Variants in NEMF observed in about 807,000 individuals in gnomAD.
NEMF encodes the protein ribosome quality control complex subunit NEMF.
A neutral mutation model predicts 162.2 loss-of-function variants in NEMF; 89 were observed. The ratio of observed to expected loss-of-function variants is 0.55; its 90% confidence interval spans 0.46 to 0.65. NEMF has a LOEUF of 0.65. Ranked by LOEUF, NEMF falls within the 30% of genes least tolerant of loss-of-function variation. The pLI is 0.00. For missense variants in NEMF, 1,133 were observed against 1,261.9 expected, an observed-to-expected ratio of 0.90 and a Z score of 1.55; for synonymous variants, 421 against 404.5, an observed-to-expected ratio of 1.04 and a Z score of -0.49.
chr14:49,835,028 A>G (rs986981577), intron 6 of NEMF, among the ~76,000 whole-genome samples: 1 of 152,138 alleles, frequency 6.6e-6, no homozygotes, highest in African/African-American at 2.4e-5. Flanking sequence ...GAGAAACCCC[A>G]TCTCTACTAA....
At chr14:49,852,195 G>T (rs1264289934) in intron 1 of NEMF, among the ~76,000 whole-genome samples, 1 of 151,930 alleles carries the variant, frequency 6.6e-6, no homozygotes, top group Non-Finnish European at 1.5e-5. Flanking sequence ...ATAAAAGAGG[G>T]CCCCGAAAAT....
At chr14:49,802,356 T>C in intron 22 of NEMF, 97 bp downstream of exon 22, 1 of 1,369,690 alleles carries the variant, frequency 7.3e-7, no homozygotes, top group Middle Eastern at 1.9e-4. Context: ...TTTTGAAATT[T>C]AGATTATCCC....
intron 26 of NEMF, among the ~76,000 whole-genome samples, chr14:49,791,281 G>A (rs949785694): frequency 3.9e-5 from 6 of 151,908 alleles, no homozygotes; most frequent in Non-Finnish European, 7.4e-5. Context: ...GTTGCAGTGA[G>A]CTGAGATCAC....
At chr14:49,832,621 C>T (rs529181528) in intron 8 of NEMF, among the ~76,000 whole-genome samples, 3 of 152,314 alleles carry the variant, frequency 2.0e-5, no homozygotes, top group African/African-American at 7.2e-5. Flanking sequence ...GTGTGAGCCA[C>T]TGCACCTAAA....
chr14:49,832,629 A>G (rs1279253737), intron 8 of NEMF, among the ~76,000 whole-genome samples: 4 of 152,120 alleles, frequency 2.6e-5, no homozygotes, highest in African/African-American at 9.7e-5. Context: ...CACTGCACCT[A>G]AAAATTTAGT....
chr14:49,845,939 A>C (rs1893478423), intron 4 of NEMF: 1 of 561,094 alleles, frequency 1.8e-6, no homozygotes, highest in South Asian at 2.6e-5. Context: ...TAAATGGCTA[A>C]AGTCTGCCTA....
intron 18 of NEMF, 22 bp from the exon 19 acceptor site, chr14:49,806,155 T>C: frequency 6.4e-7 from 1 of 1,564,158 alleles, no homozygotes; most frequent in Non-Finnish European, 8.7e-7. Flanking sequence ...ATGCATAATG[T>C]TTCAATACCA....
At position 49,784,573 on chromosome 14, in the gene NEMF, T is replaced by TG. The variant is rs1408292056; in HGVS notation, c.*62_*63insC. The TG allele has an allele frequency of 8.8e-7, 1 of 1,134,040 alleles. No homozygotes were observed. Among genetic ancestry groups the TG allele is most frequent in the Non-Finnish European group, 1.3e-6 (1 of 759,964 alleles). The allele number at this position is 1,134,040 out of a possible 1,614,324, so 70.2% of individuals were successfully genotyped here. ...GAAATCCTGATACATGGTGCTTTCATCTTTGAACTTCCAAAAGGCTATAAA... is the reference window on the plus strand; with the variant it reads ...GAAATCCTGATACATGGTGCTTTCATGCTTTGAACTTCCAAAAGGCTATAAA... On this transcript the variant is annotated 3_prime_UTR_variant, in exon 33 of 33. Coordinates refer to ENST00000298310, the MANE Select transcript of NEMF (RefSeq NM_004713.6).
intron 4 of NEMF, among the ~76,000 whole-genome samples, chr14:49,844,278 T>C (rs184045468): frequency 6.6e-6 from 1 of 152,220 alleles, no homozygotes; most frequent in East Asian, 1.9e-4. Flanking sequence ...GCATGCAACC[T>C]AGATCCCTTG....
chr14:49,843,150 A>T (rs1037202993), intron 4 of NEMF, among the ~76,000 whole-genome samples: 20 of 152,060 alleles, frequency 1.3e-4, no homozygotes, highest in Admixed American at 2.6e-4. Flanking sequence ...GTTGCTAAGG[A>T]TGTGGAGCTA....
At chr14:49,786,602 TC>T in intron 29 of NEMF, 115 bp downstream of exon 29, 3 of 970,032 alleles carry the variant, frequency 3.1e-6, no homozygotes, top group Admixed American at 2.2e-5. Context: ...AAGTTTGACT[TC>T]GTAGCCTGCA....
At chr14:49,851,756 A>G in intron 2 of NEMF, 51 bp downstream of exon 2, 1 of 1,448,560 alleles carries the variant, frequency 6.9e-7, no homozygotes, top group Non-Finnish European at 9.6e-7. Flanking sequence ...AAAAATCAGT[A>G]ATCTCATACT....
intron 2 of NEMF, 59 bp from the exon 3 acceptor site, chr14:49,851,724 C>A (rs949351585): frequency 6.7e-7 from 1 of 1,497,580 alleles, no homozygotes; most frequent in Non-Finnish European, 9.3e-7. Context: ...AATTGCTAAA[C>A]AGGCTTAAAA....
chr14:49,800,502 C>G lies in NEMF; in HGVS notation c.2290G>C (p.Val764Leu). The G allele has an allele frequency of 6.2e-7, 1 of 1,613,958 alleles. No homozygotes were observed. Among genetic ancestry groups the G allele is most frequent in the Non-Finnish European group, 8.5e-7 (1 of 1,179,858 alleles). Reference sequence around the variant, plus strand: ...TCCCCTTCATCCTTCATTTCACCAACAGAATCCTGATCTTTTCTAACCTCT... The same window carrying G: ...TCCCCTTCATCCTTCATTTCACCAAGAGAATCCTGATCTTTTCTAACCTCT... ...YEEVRKDQDS[V>L]GEMKDEGEET... The change falls in exon 23 of 33, where the codon GTT (valine) becomes CTT (leucine). Residue 764 changes from valine (V) to leucine (L), a missense_variant. Val to Leu is a conservative substitution (Grantham distance 32). Transcript: ENST00000298310.
chr14:49,823,560 A>G (rs570148234), intron 16 of NEMF, among the ~76,000 whole-genome samples: 68 of 152,264 alleles, frequency 4.5e-4, no homozygotes, highest in African/African-American at 1.5e-3. Context: ...ATGTAGAGCA[A>G]AACGATAGAC....
intron 1 of NEMF, among the ~76,000 whole-genome samples, chr14:49,852,217 C>T (rs1257140058): frequency 6.6e-6 from 1 of 152,092 alleles, no homozygotes; most frequent in Non-Finnish European, 1.5e-5. Context: ...TGACAAAGCT[C>T]ACAGGGCTGA....
rs1172348344 is a variant in NEMF at position 49,821,663 on chromosome 14, C to T, written c.1577+4204G>A. Among the ~76,000 whole-genome samples the T allele has an allele frequency of 1.7e-5, 2 of 119,284 alleles. 1 individual carries two copies. Among genetic ancestry groups the T allele is most frequent in the Non-Finnish European group, 3.6e-5 (2 of 56,018 alleles). 78.3% of individuals were successfully genotyped at this position (119,284 alleles called of 152,430 possible). On this transcript the variant is annotated intron_variant, in intron 16 of 32. Coordinates refer to ENST00000298310, the MANE Select transcript of NEMF (RefSeq NM_004713.6). The stretch of plus-strand genomic sequence containing the variant: ...GGGGCTCAGCCCCCCGCCCGGCCAG[C>T]CGCCCCGTCCGGGAGGGAGGTGGGG...
chr14:49,789,369 T>A (rs370642292), intron 27 of NEMF, 26 bp from the exon 28 acceptor site: 4 of 1,612,646 alleles, frequency 2.5e-6, no homozygotes, highest in African/African-American at 2.7e-5. Context: ...GAAACATCAG[T>A]CAGTGTTGTA....
At chr14:49,823,423 G>T (rs1449965186) in intron 16 of NEMF, among the ~76,000 whole-genome samples, 1 of 150,088 alleles carries the variant, frequency 6.7e-6, no homozygotes, top group Admixed American at 6.6e-5. Context: ...AAAAAAAAAA[G>T]TCCTCTCTTT....
Sources: gnomAD v4.1 joint callset for allele counts (sites outside exome capture counted in the v4.1 genomes callset) on GRCh38, gnomAD v4.1.1 for gene constraint, MANE v1.5 for transcripts, NCBI Gene and HGNC (gene_info 2026-07-23, HGNC 2026-07-21) for gene names.